Variants in SLC1A1 observed in about 807,000 individuals in gnomAD.
The protein encoded by SLC1A1 is solute carrier family 1 member 1, also known as excitatory amino acid transporter 3.
In SLC1A1, 43 loss-of-function variants were observed where a neutral mutation model predicts 53.3. That is an observed-to-expected ratio of 0.81 (90% CI 0.63 to 1.04). The LOEUF (loss-of-function observed/expected upper bound fraction) is 1.04. SLC1A1 is among the 50% of genes least tolerant of loss of function. The pLI, the probability that SLC1A1 is intolerant of heterozygous loss-of-function variation, is 0.00. For missense variants in SLC1A1, 748 were observed against 664.9 expected (o/e 1.12, Z -1.37); for synonymous variants, 307 against 243.2 (o/e 1.26, Z -2.44).
intron 2 of SLC1A1, among the ~76,000 whole-genome samples, chr9:4,546,482 G>A (rs1016613365): frequency 2.0e-5 from 3 of 151,666 alleles, no homozygotes; most frequent in Admixed American, 6.6e-5. Flanking sequence ...ACCTATCAAC[G>A]GTGGTCTGAA....
At chr9:4,578,949 T>G (rs1169395554) in intron 10 of SLC1A1, among the ~76,000 whole-genome samples, 1 of 152,190 alleles carries the variant, frequency 6.6e-6, no homozygotes, top group Non-Finnish European at 1.5e-5. Context: ...AATCTGAACT[T>G]TTTAGAGTTA....
At chr9:4,552,289 G>A (rs960455499) in intron 2 of SLC1A1, among the ~76,000 whole-genome samples, 1 of 152,152 alleles carries the variant, frequency 6.6e-6, no homozygotes, top group Non-Finnish European at 1.5e-5. Flanking sequence ...ACATTACAAT[G>A]CTGTGTGATA....
Position 4,510,710 on chromosome 9 carries a change from T to C in SLC1A1, c.91+19940T>C, listed in dbSNP as rs575290616. Reference sequence around the variant, plus strand: ...CCAGCAGGAGAGATAAAGTTTCTGATCCCTATTAGTTCAAACAAGACTCCA... The same window carrying C: ...CCAGCAGGAGAGATAAAGTTTCTGACCCCTATTAGTTCAAACAAGACTCCA... On this transcript the variant is annotated intron_variant, in intron 1 of 11. Transcript: ENST00000262352. 6.6e-5 allele frequency among the ~76,000 whole-genome samples: 10 copies of C among 152,306 alleles called. No individual in the cohort carries two copies. In the South Asian group the frequency reaches 2.1e-3, roughly 32 times the overall value.
At chr9:4,535,431 C>G (rs1816638366) in intron 1 of SLC1A1, among the ~76,000 whole-genome samples, 1 of 152,054 alleles carries the variant, frequency 6.6e-6, no homozygotes, top group Non-Finnish European at 1.5e-5. Flanking sequence ...AACAGAGAGC[C>G]AAATCATGAG....
In SLC1A1 at chr9:4,556,094, T is replaced by A. The variant is rs866308115; in HGVS notation, c.233-5355T>A. Among the ~76,000 whole-genome samples the A allele has an allele frequency of 2.0e-5, 3 of 152,042 alleles. No homozygotes were observed. The highest frequency in any genetic ancestry group is 4.4e-5 in the Non-Finnish European group (3 of 68,020). On this transcript the variant is annotated intron_variant, in intron 2 of 11. Transcript: ENST00000262352. This position sits in a 1 kb window ranked among gnomAD's most constrained non-coding sequence, Gnocchi z 4.1. ...ACCTCCACCTCCCAGGTTCAAGAGA[T>A]TCTCCTGCCTCAGCCTCCTGAGTAG...
chr9:4,494,399 T>A (rs1289712436), intron 1 of SLC1A1, among the ~76,000 whole-genome samples: 1 of 152,184 alleles, frequency 6.6e-6, no homozygotes, highest in Non-Finnish European at 1.5e-5. Flanking sequence ...TAAATCTGAA[T>A]AATTTGATTA....
At chr9:4,577,932 A>C (rs188537) in intron 10 of SLC1A1, among the ~76,000 whole-genome samples, 113,179 of 152,132 alleles carry the variant, frequency 0.74, 42,254 homozygotes, top group East Asian at 0.86. Context: ...TGAATTGAAG[A>C]AGCATCAGCT....
intron 2 of SLC1A1, among the ~76,000 whole-genome samples, chr9:4,559,216 CAT>C (rs902943732): frequency 2.0e-5 from 3 of 152,156 alleles, no homozygotes; most frequent in African/African-American, 7.2e-5. Flanking sequence ...CAGCAAACTG[CAT>C]TTTTCTCAAA....
At chr9:4,537,024 C>G (rs1181912527) in intron 1 of SLC1A1, among the ~76,000 whole-genome samples, 5 of 151,764 alleles carry the variant, frequency 3.3e-5, no homozygotes, top group African/African-American at 1.2e-4. Flanking sequence ...AGGGGAATAT[C>G]ACACACCAGG....
At chr9:4,578,535 G>C (rs535280486) in intron 10 of SLC1A1, among the ~76,000 whole-genome samples, 2 of 152,160 alleles carry the variant, frequency 1.3e-5, no homozygotes, top group Admixed American at 1.3e-4. Context: ...GAGGGAGAGG[G>C]AGAAGGACAG....
chr9:4,536,127 G>A (rs1484800077), intron 1 of SLC1A1, among the ~76,000 whole-genome samples: 5 of 152,080 alleles, frequency 3.3e-5, no homozygotes, highest in African/African-American at 7.2e-5. Flanking sequence ...TCAGGACATC[G>A]GCATGGGCAA....
At position 4,546,370 on chromosome 9, in the gene SLC1A1, C is replaced by A. The variant is rs567998142; in HGVS notation, c.232+1663C>A. ...ATATTTGTTTATTTGTTTAAATTGT[C>A]ATAAGCATTTAAAATTGGAAAGATT... On this transcript the variant is annotated intron_variant, in intron 2 of 11. Coordinates refer to ENST00000262352, the MANE Select transcript of SLC1A1 (RefSeq NM_004170.6). 4.0e-5 allele frequency among the ~76,000 whole-genome samples: 6 copies of A among 151,814 alleles called. No individual in the cohort carries two copies. The South Asian group carries it at 1.0e-3, about 26-fold the overall frequency.
At chr9:4,519,981 A>G (rs1816009260) in intron 1 of SLC1A1, among the ~76,000 whole-genome samples, 1 of 152,324 alleles carries the variant, frequency 6.6e-6, no homozygotes, top group South Asian at 2.1e-4. Context: ...TTTTCAGATC[A>G]CACTGTTCTC....
chr9:4,575,681 A>G (rs1820478064), intron 8 of SLC1A1, among the ~76,000 whole-genome samples: 1 of 152,198 alleles, frequency 6.6e-6, no homozygotes, highest in Non-Finnish European at 1.5e-5. Context: ...ACAGAAGGAA[A>G]AAAGGGCACT....
intron 1 of SLC1A1, among the ~76,000 whole-genome samples, chr9:4,499,949 A>G (rs1046293319): frequency 8.5e-5 from 13 of 152,362 alleles, no homozygotes; most frequent in African/African-American, 3.1e-4. Flanking sequence ...ATGTCAGACA[A>G]GGTAGGATTA....
In SLC1A1 at chr9:4,564,389, T is replaced by C. The variant is rs1819283309; in HGVS notation, c.371T>C (p.Val124Ala). 3 of 1,613,782 alleles carry C rather than the reference T, an allele frequency of 1.9e-6. No homozygotes were observed. Among genetic ancestry groups the C allele is most frequent in the African/African-American group, 2.7e-5 (2 of 75,006 alleles). ...VSIKPGVTQK[V>A]GEIARTGSTP... ...ATCAAGCCTGGTGTCACCCAGAAAG[T>C]GGGTGAAATTGCGAGGACAGGCAGC... is the stretch of plus-strand genomic sequence containing the variant. Residue 124 changes from valine (V) to alanine (A), a missense_variant, in exon 4 of 12, where the codon GTG (valine) becomes GCG (alanine). Coordinates refer to ENST00000262352, the MANE Select transcript of SLC1A1 (RefSeq NM_004170.6).
Position 4,567,755 on chromosome 9 carries a change from T to G in SLC1A1, c.570T>G (p.Thr190=), listed in dbSNP as rs753874784. 1 of 1,604,096 alleles carries G rather than the reference T, an allele frequency of 6.2e-7. No individual in the cohort carries two copies. Among genetic ancestry groups the G allele is most frequent in the South Asian group, 1.1e-5 (1 of 90,692 alleles). Reference sequence around the variant, plus strand: ...AGTCCTTCACAGCTGTCATGACAACTGCAATTTCCAAGGTACCATTCTTAT... The same window carrying G: ...AGTCCTTCACAGCTGTCATGACAACGGCAATTTCCAAGGTACCATTCTTAT... The part of the protein sequence containing the change: ...TEESFTAVMT[T]AISKNKTKEY... Residue 190 remains threonine, a synonymous_variant, in exon 6 of 12, where the codon ACT becomes ACG. Coordinates refer to ENST00000262352, the MANE Select transcript of SLC1A1 (RefSeq NM_004170.6).
In SLC1A1 at chr9:4,583,536, T is replaced by C. The variant is rs1586871301; in HGVS notation, c.1328+364T>C. Among the ~76,000 whole-genome samples, 1 of 152,258 alleles carries C rather than the reference T, an allele frequency of 6.6e-6. No individual in the cohort carries two copies. Among genetic ancestry groups the C allele is most frequent in the East Asian group, 1.9e-4 (1 of 5,180 alleles). On this transcript the variant is annotated intron_variant, in intron 11 of 11. Coordinates refer to ENST00000262352, the MANE Select transcript of SLC1A1 (RefSeq NM_004170.6). This position sits in a 1 kb window ranked among gnomAD's most constrained non-coding sequence, Gnocchi z 4.6. ...GCATCATAGGCTCAGAACCACCTAG[T>C]TCAAAATCAGTCCGTCTTCCTAAGC...
At chr9:4,560,929 G>C (rs926647585) in intron 2 of SLC1A1, among the ~76,000 whole-genome samples, 5 of 151,804 alleles carry the variant, frequency 3.3e-5, no homozygotes, top group African/African-American at 1.2e-4. Flanking sequence ...CCAGGAGATG[G>C]AGGTTGTAAT....
Sources: gnomAD v4.1 joint callset for allele counts (sites outside exome capture counted in the v4.1 genomes callset) on GRCh38, gnomAD v4.1.1 for gene constraint, Gnocchi (gnomAD v3.1) non-coding constraint, MANE v1.5 for transcripts, NCBI Gene and HGNC (gene_info 2026-07-23, HGNC 2026-07-21) for gene names.